STPG4: variants seen among roughly 807,000 people sequenced by gnomAD.
STPG4 encodes the protein protein STPG4.
A neutral mutation model predicts 31.5 loss-of-function variants in STPG4; 41 were observed. The ratio of observed to expected loss-of-function variants is 1.30; its 90% confidence interval spans 1.01 to 1.69. The LOEUF is 1.69. Ranked by LOEUF, STPG4 falls within the 40% of genes most tolerant of loss-of-function variation. The probability of loss-of-function intolerance (pLI) is 0.00; values close to 1 mark genes in which losing one functional copy is unlikely to be tolerated. For missense variants in STPG4, 375 were observed against 293.4 expected (o/e 1.28, Z -2.03); for synonymous variants, 141 against 103.0 (o/e 1.37, Z -2.24).
chr2:47,153,676 G>A (rs1166019737), intron 1 of STPG4, among the ~76,000 whole-genome samples: 1 of 152,126 alleles, frequency 6.6e-6, no homozygotes, highest in Non-Finnish European at 1.5e-5. Context: ...ATGAGGCTGA[G>A]GCACGAGAAT....
At chr2:47,128,537 T>C (rs572733629) in intron 5 of STPG4, among the ~76,000 whole-genome samples, 7 of 152,144 alleles carry the variant, frequency 4.6e-5, no homozygotes, top group African/African-American at 1.7e-4. Context: ...TTTCCACTCG[T>C]CCCTCCCCTC....
intron 3 of STPG4, among the ~76,000 whole-genome samples, chr2:47,131,212 G>A (rs753481016): frequency 1.6e-4 from 24 of 150,902 alleles, no homozygotes; most frequent in Non-Finnish European, 3.0e-4. Flanking sequence ...CTGAAGCCTC[G>A]ACATCCCAGG....
chr2:47,114,827 G>A (rs1558677768), intron 5 of STPG4, among the ~76,000 whole-genome samples: 1 of 151,908 alleles, frequency 6.6e-6, no homozygotes, highest in Non-Finnish European at 1.5e-5. Context: ...GAGTGCAGTG[G>A]TACGATCTTG....
intron 5 of STPG4, among the ~76,000 whole-genome samples, chr2:47,118,520 G>A (rs938672797): frequency 5.9e-5 from 9 of 152,074 alleles, no homozygotes; most frequent in Non-Finnish European, 7.4e-5. Flanking sequence ...GAATCATCCC[G>A]AAACCATTCC....
rs150490830 is a variant in STPG4, at chr2:47,097,150, T to A, written c.520-6776A>T. Among the ~76,000 whole-genome samples, 8 of 152,350 alleles carry A rather than the reference T, an allele frequency of 5.3e-5. No individual in the cohort carries two copies. The East Asian group carries it at 1.5e-3, about 29-fold the overall frequency. ...TGCAAAAGGGATTTTTAATCATTAC[T>A]ATGTTACAAAATTTAATTTTAAGTT... On this transcript the variant is annotated intron_variant, in intron 5 of 6. Coordinates refer to ENST00000445927, the MANE Select transcript of STPG4 (RefSeq NM_001163561.2).
intron 5 of STPG4, among the ~76,000 whole-genome samples, chr2:47,121,641 A>G (rs111932619): frequency 3.5e-4 from 54 of 152,208 alleles, no homozygotes; most frequent in African/African-American, 1.3e-3. Flanking sequence ...TAAACAAACA[A>G]ATTTATTCTC....
intron 5 of STPG4, among the ~76,000 whole-genome samples, chr2:47,101,434 A>G (rs781470843): frequency 4.0e-5 from 6 of 151,744 alleles, no homozygotes; most frequent in Non-Finnish European, 8.8e-5. Flanking sequence ...AGACTCACCC[A>G]TCTATCCTAT....
At chr2:47,089,740 A>G (rs1685531378) in intron 6 of STPG4, among the ~76,000 whole-genome samples, 1 of 151,760 alleles carries the variant, frequency 6.6e-6, no homozygotes, top group Admixed American at 6.6e-5. Context: ...GGAGTCCTGT[A>G]TGCTCCCAGG....
chr2:47,125,026 G>A (rs1396685925), intron 5 of STPG4, among the ~76,000 whole-genome samples: 4 of 152,194 alleles, frequency 2.6e-5, no homozygotes, highest in Non-Finnish European at 4.4e-5. Context: ...GATTAACGAT[G>A]TTGAGCACCG....
intron 3 of STPG4, among the ~76,000 whole-genome samples, chr2:47,133,247 G>T (rs1016066708): frequency 6.6e-6 from 1 of 151,432 alleles, no homozygotes; most frequent in Admixed American, 6.6e-5. Flanking sequence ...AGCTCACTGC[G>T]CTTCAACCTC....
At chr2:47,128,413 T>G (rs1210080279) in intron 5 of STPG4, among the ~76,000 whole-genome samples, 1 of 152,160 alleles carries the variant, frequency 6.6e-6, no homozygotes, top group Non-Finnish European at 1.5e-5. Flanking sequence ...CTGGGCCAAG[T>G]GCAGATCAGA....
At chr2:47,114,026 TC>T (rs1466551023) in intron 5 of STPG4, among the ~76,000 whole-genome samples, 10 of 142,222 alleles carry the variant, frequency 7.0e-5, no homozygotes, top group African/African-American at 2.3e-4. Flanking sequence ...GAGACTTGTC[TC>T]AAAAAAAAAA....
At chr2:47,155,003 C>T (rs547372474) in intron 1 of STPG4, among the ~76,000 whole-genome samples, 168 bp downstream of exon 1, 1 of 151,946 alleles carries the variant, frequency 6.6e-6, no homozygotes, top group Non-Finnish European at 1.5e-5. Context: ...CCAATAAAGA[C>T]CAGGAAGGAA....
intron 3 of STPG4, among the ~76,000 whole-genome samples, chr2:47,144,865 G>A (rs141489299): frequency 0.025 from 3,758 of 152,172 alleles, 61 homozygotes; most frequent in Middle Eastern, 0.11. Flanking sequence ...CAAGTAGCTG[G>A]GACTACAGGT....
chr2:47,087,105 G>A lies in STPG4; in HGVS notation c.650C>T (p.Thr217Ile). The stretch of plus-strand genomic sequence containing the variant: ...CTGCTTAGGGAATTGTCTTAAAGTT[G>A]TATATGCTCCTGGGCCTGGGGTTTT... ...CSKTPGPGAYTTLRQFPKQSP... is the reference protein window; with the variant it reads ...CSKTPGPGAYITLRQFPKQSP... Residue 217 changes from threonine (T) to isoleucine (I), a missense_variant, in exon 7 of 7, where the codon ACA (threonine) becomes ATA (isoleucine). Coordinates refer to ENST00000445927, the MANE Select transcript of STPG4 (RefSeq NM_001163561.2). 1.9e-6 allele frequency: 3 copies of A among 1,551,828 alleles called. No homozygotes were observed. The highest frequency in any genetic ancestry group is 2.6e-6 in the Non-Finnish European group (3 of 1,147,006).
chr2:47,141,339 A>G (rs1464863), intron 3 of STPG4, among the ~76,000 whole-genome samples: 65,868 of 150,912 alleles, frequency 0.44, 15,148 homozygotes, highest in East Asian at 0.71. Context: ...AAAAAAAAAA[A>G]AAGAAGAAAG....
intron 3 of STPG4, among the ~76,000 whole-genome samples, chr2:47,130,874 G>A (rs117875613): frequency 1.2e-3 from 179 of 152,066 alleles, no homozygotes; most frequent in African/African-American, 4.0e-3. Flanking sequence ...GAATGATATG[G>A]CATGAACATA....
chr2:47,103,908 A>G (rs1012749926), intron 5 of STPG4, among the ~76,000 whole-genome samples: 2 of 151,916 alleles, frequency 1.3e-5, no homozygotes, highest in Non-Finnish European at 2.9e-5. Context: ...CCTGTCCTGG[A>G]CGACTATCCT....
At chr2:47,092,641 G>A (rs1163969399) in intron 5 of STPG4, among the ~76,000 whole-genome samples, 1 of 141,728 alleles carries the variant, frequency 7.1e-6, no homozygotes, top group African/African-American at 2.6e-5. Flanking sequence ...GAGGGGAGAG[G>A]AGGAGAAAGG....
Sources: allele counts gnomAD v4.1 joint callset (sites outside exome capture counted in the v4.1 genomes callset), GRCh38; gene constraint gnomAD v4.1.1; transcripts MANE v1.5; gene names NCBI Gene and HGNC (gene_info 2026-07-23, HGNC 2026-07-21).